Variants in PHF24 observed in about 807,000 individuals in gnomAD.
PHF24 encodes PHD finger protein 24.
Under a neutral mutation model 42.6 loss-of-function variants are expected in PHF24, and 25 were observed. The ratio of observed to expected loss-of-function variants is 0.59; its 90% confidence interval spans 0.43 to 0.82. The LOEUF (loss-of-function observed/expected upper bound fraction) is 0.82, where lower values mean the gene tolerates loss of function less well. Among genes scored for constraint, PHF24 ranks in the 40% least tolerant of loss-of-function variants. PHF24 has a pLI of 0.00. For missense variants in PHF24, 470 were observed against 538.1 expected (o/e 0.87, Z 1.25); for synonymous variants, 185 against 204.8 (o/e 0.90, Z 0.83).
chr9:34,806,660 T>C, the PHF24 span, among the ~76,000 whole-genome samples: 2 of 152,210 alleles, frequency 1.3e-5, no homozygotes, highest in Non-Finnish European at 2.9e-5. Context: ...GGTTTCACCA[T>C]ATTGGCCAGG....
At chr9:34,748,751 C>A in the PHF24 span, among the ~76,000 whole-genome samples, 1 of 152,106 alleles carries the variant, frequency 6.6e-6, no homozygotes, top group Non-Finnish European at 1.5e-5. Flanking sequence ...CAAGCCCAAA[C>A]TGAGAAGACT....
chr9:34,948,897 A>G, the PHF24 span, among the ~76,000 whole-genome samples: 1 of 152,252 alleles, frequency 6.6e-6, no homozygotes, highest in Non-Finnish European at 1.5e-5. Context: ...CTATATTAAC[A>G]TTAGACAAAG....
chr9:34,916,859 A>G, the PHF24 span, among the ~76,000 whole-genome samples: 1 of 152,200 alleles, frequency 6.6e-6, no homozygotes, highest in Non-Finnish European at 1.5e-5. Flanking sequence ...TAAAAAGATA[A>G]TATTTCAAAG....
the PHF24 span, among the ~76,000 whole-genome samples, chr9:34,831,060 G>A: frequency 6.6e-6 from 1 of 152,210 alleles, no homozygotes. Flanking sequence ...TTGTAGATTT[G>A]TGGTCACTTT....
At chr9:34,693,173 T>G in the PHF24 span, among the ~76,000 whole-genome samples, 1 of 152,210 alleles carries the variant, frequency 6.6e-6, no homozygotes, top group African/African-American at 2.4e-5. Flanking sequence ...CTATCCATTC[T>G]TCTGTCCATG....
At chr9:34,738,166 G>C in the PHF24 span, among the ~76,000 whole-genome samples, 1 of 152,062 alleles carries the variant, frequency 6.6e-6, no homozygotes, top group Non-Finnish European at 1.5e-5. Flanking sequence ...AGCATTATCT[G>C]ACCGCCACTG....
At chr9:34,701,246 G>A in the PHF24 span, among the ~76,000 whole-genome samples, 1 of 152,150 alleles carries the variant, frequency 6.6e-6, no homozygotes, top group African/African-American at 2.4e-5. This position sits in a 1 kb window ranked among gnomAD's most constrained non-coding sequence, Gnocchi z 5.8. Flanking sequence ...ATTGGGGCAG[G>A]GGAGTCAACC....
At chr9:34,695,005 T>G in the PHF24 span, among the ~76,000 whole-genome samples, 1 of 152,190 alleles carries the variant, frequency 6.6e-6, no homozygotes, top group Non-Finnish European at 1.5e-5. Flanking sequence ...TGGGAGAGAT[T>G]GTGTCTTTTG....
chr9:34,865,183 A>G, the PHF24 span, among the ~76,000 whole-genome samples: 9 of 131,840 alleles, frequency 6.8e-5, no homozygotes, highest in African/African-American at 2.3e-4. Context: ...GTTAAGGTAT[A>G]GAGTTTTTAT....
At chr9:34,827,545 A>C in the PHF24 span, among the ~76,000 whole-genome samples, 4 of 18,354 alleles carry the variant, frequency 2.2e-4, no homozygotes, top group African/African-American at 6.1e-4. Context: ...GGAAGCAAGT[A>C]CTGCCACCTC....
the PHF24 span, among the ~76,000 whole-genome samples, chr9:34,809,583 CAG>C: frequency 9.9e-5 from 15 of 152,194 alleles, no homozygotes; most frequent in African/African-American, 3.6e-4. The surrounding 1 kb of genome is among the most constrained non-coding windows in gnomAD (Gnocchi z 4.1). Context: ...TGGAGTACTG[CAG>C]AGAGTGTCCG....
At chr9:34,794,259 A>G in the PHF24 span, among the ~76,000 whole-genome samples, 1 of 152,164 alleles carries the variant, frequency 6.6e-6, no homozygotes, top group East Asian at 1.9e-4. Flanking sequence ...ATTTTTAACA[A>G]CTGAACTGAC....
chr9:34,840,573 A>T, the PHF24 span, among the ~76,000 whole-genome samples: 1 of 148,554 alleles, frequency 6.7e-6, no homozygotes, highest in Non-Finnish European at 1.5e-5. Context: ...AAGGTCACCC[A>T]GGCTGGAGTG....
chr9:34,769,099 A>G, the PHF24 span, among the ~76,000 whole-genome samples: 2 of 152,224 alleles, frequency 1.3e-5, no homozygotes, highest in Admixed American at 1.3e-4. Context: ...AAAAAGGTAA[A>G]TCATTTTCAA....
chr9:34,698,822 T>G, the PHF24 span, among the ~76,000 whole-genome samples: 1 of 152,218 alleles, frequency 6.6e-6, no homozygotes, highest in Non-Finnish European at 1.5e-5. Flanking sequence ...CGGGGAAAGT[T>G]GCCCTGCTGC....
the PHF24 span, among the ~76,000 whole-genome samples, chr9:34,695,351 C>G: frequency 6.6e-6 from 1 of 152,168 alleles, no homozygotes; most frequent in Non-Finnish European, 1.5e-5. Context: ...AGCTCCACAC[C>G]TTTTTTTCCC....
chr9:34,880,195 A>G, the PHF24 span, among the ~76,000 whole-genome samples: 71 of 152,366 alleles, frequency 4.7e-4, 1 homozygote, highest in Admixed American at 4.2e-3. Context: ...GAGCTCCTGA[A>G]GGAAGCACTA....
At chr9:34,825,598 A>ATGCAGGGTGTTCATGAGTCCTTGC in the PHF24 span, among the ~76,000 whole-genome samples, 1 of 151,900 alleles carries the variant, frequency 6.6e-6, no homozygotes, top group African/African-American at 2.4e-5. Flanking sequence ...AGCATGTCTG[A>ATGCAGGGTGTTCATGAGTCCTTGC]TGCAGGGTGT....
intron 2 of PHF24, among the ~76,000 whole-genome samples, chr9:34,971,954 T>C (rs968651450): frequency 2.0e-5 from 3 of 152,108 alleles, no homozygotes; most frequent in Non-Finnish European, 4.4e-5. Flanking sequence ...CCATGGATAG[T>C]ACTACACCCT....
Sources: gnomAD v4.1 joint callset for allele counts (sites outside exome capture counted in the v4.1 genomes callset) on GRCh38, gnomAD v4.1.1 for gene constraint, Gnocchi (gnomAD v3.1) non-coding constraint, MANE v1.5 for transcripts, NCBI Gene and HGNC (gene_info 2026-07-23, HGNC 2026-07-21) for gene names.